Variants in MBNL2 observed in about 807,000 individuals in gnomAD.
MBNL2 encodes the protein muscleblind-like protein 2.
In MBNL2, 17 loss-of-function variants were observed where a neutral mutation model predicts 41.9. That is an observed-to-expected ratio of 0.41 (90% CI 0.28 to 0.61). The LOEUF (loss-of-function observed/expected upper bound fraction) is 0.61, where lower values mean the gene tolerates loss of function less well. MBNL2 is among the 20% of genes least tolerant of loss of function. The pLI is 0.35. For synonymous variants in MBNL2, 195 were observed against 182.9 expected, an observed-to-expected ratio of 1.07 and a Z score of -0.53; for missense variants, 336 against 505.6, an observed-to-expected ratio of 0.66 and a Z score of 3.22.
chr13:97,263,593 C>T (rs2049076344), intron 1 of MBNL2, among the ~76,000 whole-genome samples: 1 of 152,126 alleles, frequency 6.6e-6, no homozygotes, highest in Non-Finnish European at 1.5e-5. Flanking sequence ...GACGTGACTC[C>T]CTTGGAGCGA....
chr13:97,375,049 G>A (rs2064834572), intron 8 of MBNL2, among the ~76,000 whole-genome samples: 1 of 151,530 alleles, frequency 6.6e-6, no homozygotes, highest in South Asian at 2.1e-4. Flanking sequence ...TCACACGTCT[G>A]CCTGCGCATT....
chr13:97,356,699 C>A, intron 5 of MBNL2, 97 bp from the exon 6 acceptor site: 1 of 558,706 alleles, frequency 1.8e-6, no homozygotes, highest in Non-Finnish European at 3.1e-6. Context: ...CAATGCCGTT[C>A]CCATGATGCA....
the MBNL2 span, among the ~76,000 whole-genome samples, chr13:97,187,715 G>A: frequency 6.6e-6 from 1 of 150,930 alleles, no homozygotes. Flanking sequence ...AGACCATCCT[G>A]GCTAACACAC....
At chr13:97,148,220 A>G in the MBNL2 span, among the ~76,000 whole-genome samples, 1 of 152,214 alleles carries the variant, frequency 6.6e-6, no homozygotes, top group Admixed American at 6.5e-5. Context: ...GGCTTCTTGT[A>G]TGATTAGCAA....
chr13:97,339,866 TG>T (rs2061288400), intron 3 of MBNL2, among the ~76,000 whole-genome samples: 1 of 79,444 alleles, frequency 1.3e-5, no homozygotes, highest in South Asian at 3.7e-4. Flanking sequence ...AACTGATTTG[TG>T]TGTGGGCGGG....
At chr13:97,262,128 A>G (rs559374900) in intron 1 of MBNL2, among the ~76,000 whole-genome samples, 1 of 152,308 alleles carries the variant, frequency 6.6e-6, no homozygotes, top group African/African-American at 2.4e-5. Flanking sequence ...GCTGCTCAGG[A>G]TCCCGCAGGC....
At position 97,392,180 on chromosome 13, in the gene MBNL2, G is replaced by A. The variant is rs186661204; in HGVS notation, c.*731G>A. 1 of 152,718 alleles carries A rather than the reference G, an allele frequency of 6.5e-6. No individual in the cohort carries two copies. The highest frequency in any genetic ancestry group is 1.9e-4 in the East Asian group (1 of 5,182). The allele number at this position is 152,718 out of a possible 1,614,324, so 9.5% of individuals were successfully genotyped here. A position where few individuals can be genotyped will look rare whatever the true frequency, so the allele number is the denominator to read the frequency against. On this transcript the variant is annotated 3_prime_UTR_variant, in exon 9 of 9. Coordinates refer to ENST00000679496, the MANE Select transcript of MBNL2 (RefSeq NM_001382683.1). ...ACTTCATCCAGCTTGACAAGATTGA[G>A]AGGCCCATGCCAACAGTCTAATCTA...
intron 5 of MBNL2, among the ~76,000 whole-genome samples, chr13:97,356,422 A>AT (rs11349752): frequency 6.6e-6 from 1 of 151,320 alleles, no homozygotes; most frequent in Non-Finnish European, 1.5e-5. Context: ...CAAATTTTGC[A>AT]TTTTTTTTTC....
chr13:97,244,454 A>G (rs1414810056), intron 1 of MBNL2, among the ~76,000 whole-genome samples: 1 of 152,230 alleles, frequency 6.6e-6, no homozygotes, highest in Non-Finnish European at 1.5e-5. Context: ...AGAAATCGGG[A>G]AACAAATAGA....
chr13:97,352,829 GGCTGAGCCCT>G (rs2062624779), intron 5 of MBNL2, among the ~76,000 whole-genome samples: 1 of 152,148 alleles, frequency 6.6e-6, no homozygotes, highest in African/African-American at 2.4e-5. Flanking sequence ...GTGACCTTAG[GGCTGAGCCCT>G]GATTTCATCT....
intron 2 of MBNL2, among the ~76,000 whole-genome samples, chr13:97,278,399 T>C (rs2052639353): frequency 6.6e-6 from 1 of 152,100 alleles, no homozygotes. Context: ...CCTTCTCCAA[T>C]TGGGTATTTA....
intron 3 of MBNL2, among the ~76,000 whole-genome samples, chr13:97,339,135 G>A (rs367590960): frequency 0.1 from 1 of 10 alleles, no homozygotes; most frequent in Non-Finnish European, 0.12. Context: ...GTGAGTGTAC[G>A]TGTGTTGAGT....
At chr13:97,356,933 G>T in intron 6 of MBNL2, 84 bp downstream of exon 6, 1 of 798,196 alleles carries the variant, frequency 1.3e-6, no homozygotes. Context: ...AATACTGGTT[G>T]CAAACAATCA....
intron 2 of MBNL2, among the ~76,000 whole-genome samples, chr13:97,278,846 T>C (rs1283261891): frequency 6.6e-6 from 1 of 152,226 alleles, no homozygotes; most frequent in Non-Finnish European, 1.5e-5. Flanking sequence ...CTGAAAAGAA[T>C]GTGAAAACGG....
chr13:97,383,902 A>AT (rs1289178469), intron 8 of MBNL2, among the ~76,000 whole-genome samples: 253 of 147,608 alleles, frequency 1.7e-3, no homozygotes, highest in African/African-American at 6.2e-3. Context: ...TTATATAATT[A>AT]ATTTTTTTTT....
intron 3 of MBNL2, among the ~76,000 whole-genome samples, chr13:97,342,043 A>G (rs59512800): frequency 0.3 from 45,471 of 152,044 alleles, 7,017 homozygotes; most frequent in African/African-American, 0.36. Context: ...AACCAACCAA[A>G]CAAATGAAAA....
At chr13:97,183,398 A>T in the MBNL2 span, among the ~76,000 whole-genome samples, 1 of 152,330 alleles carries the variant, frequency 6.6e-6, no homozygotes, top group Admixed American at 6.5e-5. Context: ...TTCGGTTTCC[A>T]GTGCACTCAT....
chr13:97,220,694 T>A (rs1239547853), upstream of MBNL2, among the ~76,000 whole-genome samples: 2 of 152,180 alleles, frequency 1.3e-5, no homozygotes, highest in Non-Finnish European at 2.9e-5. Flanking sequence ...AGCATTTGTG[T>A]TTTCCAGGTA....
At chr13:97,281,284 A>C (rs945617640) in intron 2 of MBNL2, among the ~76,000 whole-genome samples, 1 of 152,214 alleles carries the variant, frequency 6.6e-6, no homozygotes, top group Non-Finnish European at 1.5e-5. Flanking sequence ...GGAGTTGTGC[A>C]GTGGACAACC....
Sources: allele counts gnomAD v4.1 joint callset (sites outside exome capture counted in the v4.1 genomes callset), GRCh38; gene constraint gnomAD v4.1.1; transcripts MANE v1.5; gene names NCBI Gene and HGNC (gene_info 2026-07-23, HGNC 2026-07-21).